The following STK40 variants were observed in gnomAD, a reference collection of about 807,000 sequenced individuals.
STK40 encodes the protein serine/threonine-protein kinase 40.
STK40 carries 13 observed loss-of-function variants against 47.9 expected under a neutral mutation model. The observed-to-expected ratio is 0.27, with a 90% CI of 0.18 to 0.43. The LOEUF is 0.43. STK40 is among the 20% of genes least tolerant of loss of function. The pLI is 1.00. For synonymous variants in STK40, 225 were observed against 243.2 expected (o/e 0.93, Z 0.69); for missense variants, 460 against 595.1 (o/e 0.77, Z 2.36).
At chr1:36,352,801 G>C (rs1204207546) in intron 6 of STK40, among the ~76,000 whole-genome samples, 1 of 152,248 alleles carries the variant, frequency 6.6e-6, no homozygotes, top group Non-Finnish European at 1.5e-5. Context: ...CTTCTGGTCA[G>C]TACACCATCA....
chr1:36,356,093 C>T (rs1172352460), intron 4 of STK40, among the ~76,000 whole-genome samples: 1 of 152,168 alleles, frequency 6.6e-6, no homozygotes, highest in Admixed American at 6.5e-5. Flanking sequence ...CTCCAGGTCT[C>T]TAGTTCCTCA....
chr1:36,349,095 C>G (rs564661572), intron 6 of STK40, among the ~76,000 whole-genome samples: 3 of 152,330 alleles, frequency 2.0e-5, no homozygotes, highest in African/African-American at 7.2e-5. Context: ...GACCTGCTGC[C>G]CGGGCTGAAT....
At chr1:36,345,071 C>T (rs1357178073) in intron 7 of STK40, among the ~76,000 whole-genome samples, 1 of 152,224 alleles carries the variant, frequency 6.6e-6, no homozygotes, top group Non-Finnish European at 1.5e-5. Flanking sequence ...TCCACCCACC[C>T]AGCAGCAATA....
At chr1:36,349,196 T>G (rs766435101) in intron 6 of STK40, among the ~76,000 whole-genome samples, 5 of 152,252 alleles carry the variant, frequency 3.3e-5, no homozygotes, top group Non-Finnish European at 5.9e-5. Flanking sequence ...GACCTGAGAT[T>G]TAGTTCAATT....
chr1:36,384,321 C>T (rs1202465841), intron 1 of STK40, among the ~76,000 whole-genome samples: 6 of 152,216 alleles, frequency 3.9e-5, no homozygotes, highest in African/African-American at 1.4e-4. Flanking sequence ...TGAGCCACGG[C>T]GCCCAGCCAC....
rs1570450210 is a variant in STK40, at chr1:36,360,016, C to T, written c.113-1194G>A. Among the ~76,000 whole-genome samples the T allele has an allele frequency of 3.3e-5, 5 of 152,220 alleles. No homozygotes were observed. The South Asian group carries it at 1.0e-3, about 31-fold the overall frequency. On this transcript the variant is annotated intron_variant, in intron 2 of 10. Coordinates refer to ENST00000373132, the MANE Select transcript of STK40 (RefSeq NM_001282547.2). ...AAACAGGCCTTTCTTGCCTGCCCTA[C>T]CTACGGGCCCTTCTCATCTCACGTC... is the stretch of plus-strand genomic sequence containing the variant.
intron 1 of STK40, among the ~76,000 whole-genome samples, chr1:36,375,849 T>C (rs977649087): frequency 1.9e-4 from 29 of 151,872 alleles, no homozygotes; most frequent in Non-Finnish European, 2.9e-4. Flanking sequence ...GGCAAAACCC[T>C]GTCTCTACTA....
chr1:36,381,689 A>G (rs1266679112), intron 1 of STK40, among the ~76,000 whole-genome samples: 2 of 151,946 alleles, frequency 1.3e-5, no homozygotes, highest in Non-Finnish European at 2.9e-5. Flanking sequence ...GGGTCCCACT[A>G]TGTTGGCCAG....
chr1:36,346,159 TA>T (rs1475446416), intron 7 of STK40, among the ~76,000 whole-genome samples: 3 of 150,860 alleles, frequency 2.0e-5, no homozygotes, highest in Admixed American at 2.0e-4. Flanking sequence ...CACGCCCGGC[TA>T]ATTTTTTTTA....
At chr1:36,346,170 AT>A (rs1646701221) in intron 7 of STK40, among the ~76,000 whole-genome samples, 1 of 149,800 alleles carries the variant, frequency 6.7e-6, no homozygotes, top group Admixed American at 6.7e-5. Context: ...AATTTTTTTT[AT>A]TTTTAGTAGA....
chr1:36,383,440 C>G (rs1171050113), intron 1 of STK40, among the ~76,000 whole-genome samples: 2 of 152,230 alleles, frequency 1.3e-5, no homozygotes, highest in Admixed American at 1.3e-4. Context: ...CAGAGAAGCC[C>G]AGGCCAATGC....
Position 36,350,120 on chromosome 1 carries a change from C to T in STK40, c.624-1305G>A, listed in dbSNP as rs1646737763. ...AGGCCAGCCCGTCCTCTGGATTCCC[C>T]ACGGAAACGCCAACTCCAGCGCCTA... On this transcript the variant is annotated intron_variant, in intron 6 of 10. Transcript: ENST00000373132. Among the ~76,000 whole-genome samples, 3 of 152,226 alleles carry T rather than the reference C, an allele frequency of 2.0e-5. No homozygotes were observed. In the South Asian group the frequency reaches 6.2e-4, roughly 31 times the overall value.
intron 7 of STK40, among the ~76,000 whole-genome samples, chr1:36,344,904 A>G (rs942150494): frequency 2.6e-5 from 4 of 152,240 alleles, no homozygotes; most frequent in Non-Finnish European, 4.4e-5. Flanking sequence ...CCGCTTTAGG[A>G]CAGCATGGGA....
At chr1:36,355,953 A>G (rs924666027) in intron 4 of STK40, among the ~76,000 whole-genome samples, 5 of 152,076 alleles carry the variant, frequency 3.3e-5, no homozygotes, top group Admixed American at 6.6e-5. Context: ...TTCTCAGAAA[A>G]GAGGACTGTC....
At chr1:36,372,423 CAAAAAAAAAAAA>C (rs796595993) in intron 1 of STK40, among the ~76,000 whole-genome samples, 2 of 39,608 alleles carry the variant, frequency 5.0e-5, no homozygotes, top group East Asian at 7.1e-4. Context: ...GACCTTGTCT[CAAAAAAAAAAAA>C]AAAAAAAAAA....
intron 1 of STK40, among the ~76,000 whole-genome samples, chr1:36,371,719 C>T (rs552584824): frequency 8.0e-5 from 10 of 125,750 alleles, no homozygotes; most frequent in Admixed American, 1.7e-4. Context: ...AAAAGGACTG[C>T]GTGCGGTGGC....
chr1:36,345,319 G>T (rs1368654583), intron 7 of STK40, among the ~76,000 whole-genome samples: 1 of 152,250 alleles, frequency 6.6e-6, no homozygotes, highest in Non-Finnish European at 1.5e-5. Flanking sequence ...GTTTAACCGG[G>T]AGAGGGTGTG....
Position 36,358,777 on chromosome 1 carries a change from A to C in STK40, c.158T>G (p.Leu53Trp). The C allele has an allele frequency of 1.2e-6, 2 of 1,614,182 alleles. No individual in the cohort carries two copies. Among genetic ancestry groups the C allele is most frequent in the East Asian group, 2.2e-5 (1 of 44,876 alleles). ...GTCATCCGTGCCATCTTTCCTCGCCAAACACTGCACTATGCTTGGCACCGG... is the reference window on the plus strand; with the variant it reads ...GTCATCCGTGCCATCTTTCCTCGCCCAACACTGCACTATGCTTGGCACCGG... ...NSPVPSIVQC[L>W]ARKDGTDDFY... The change falls in exon 3 of 11, where the codon TTG (leucine) becomes TGG (tryptophan). Residue 53 changes from leucine (L) to tryptophan (W), a missense_variant. By Grantham distance (61) the Leu-to-Trp change is moderately conservative. Around this residue, in one of 3 missense-constraint regions of STK40, gnomAD observed 277 missense variants for 358.7 expected, o/e 0.77. Coordinates refer to ENST00000373132, the MANE Select transcript of STK40 (RefSeq NM_001282547.2).
Position 36,341,734 on chromosome 1 carries a change from T to C in STK40, c.*21A>G. ...GGGCTGGAAGAAGTGGCAGCAGTGC[T>C]GGTGGCCCCGGCTGAGGCTGTTATT... On this transcript the variant is annotated 3_prime_UTR_variant, in exon 11 of 11. Coordinates refer to ENST00000373132, the MANE Select transcript of STK40 (RefSeq NM_001282547.2). 1 of 1,607,484 alleles carries C rather than the reference T, an allele frequency of 6.2e-7. No homozygotes were observed.
Sources: gnomAD v4.1 joint callset for allele counts (sites outside exome capture counted in the v4.1 genomes callset) on GRCh38, gnomAD v4.1.1 for gene constraint, gnomAD v4.1.1 regional missense constraint, MANE v1.5 for transcripts, NCBI Gene and HGNC (gene_info 2026-07-23, HGNC 2026-07-21) for gene names.